The following BRINP3 variants were observed in gnomAD, a reference collection of about 807,000 sequenced individuals.
BRINP3 encodes the protein BMP/retinoic acid-inducible neural-specific protein 3.
A neutral mutation model predicts 71.0 loss-of-function variants in BRINP3; 19 were observed. The ratio of observed to expected loss-of-function variants is 0.27; its 90% CI spans 0.19 to 0.39. The LOEUF is 0.39. Ranked by LOEUF, BRINP3 falls within the 10% of genes least tolerant of loss-of-function variation. The pLI is 1.00. For missense variants in BRINP3, 959 were observed against 940.8 expected (o/e 1.02, Z -0.25); for synonymous variants, 380 against 337.7 (o/e 1.13, Z -1.37).
chr1:190,172,768 A>C (rs534775730), intron 6 of BRINP3, among the ~76,000 whole-genome samples: 86 of 152,292 alleles, frequency 5.6e-4, no homozygotes, highest in African/African-American at 2.0e-3. Context: ...ATAACTGAAC[A>C]TACGACAATC....
chr1:190,286,712 A>G (rs1663452668), intron 2 of BRINP3, among the ~76,000 whole-genome samples: 2 of 152,290 alleles, frequency 1.3e-5, no homozygotes, highest in East Asian at 3.9e-4. Context: ...TTTCAGACAC[A>G]ATAGAATCTT....
chr1:190,276,660 C>CAT (rs201235801), intron 3 of BRINP3, among the ~76,000 whole-genome samples: 23 of 150,656 alleles, frequency 1.5e-4, no homozygotes, highest in African/African-American at 2.9e-4. Flanking sequence ...CACACACACA[C>CAT]ATATATATAT....
rs371644848 is a variant in BRINP3 at position 190,240,053 on chromosome 1, A to G, written c.619-5576T>C. Among the ~76,000 whole-genome samples, 16 of 151,822 alleles carry G rather than the reference A, an allele frequency of 1.1e-4. 1 individual carries two copies. The East Asian group carries it at 2.0e-3, about 19-fold the overall frequency. ...ATTGAAGATATATAGATGATAAATT[A>G]TCTTCTATTTATTAGATAGATAATA... is the stretch of plus-strand genomic sequence containing the variant. On this transcript the variant is annotated intron_variant, in intron 4 of 7. Coordinates refer to ENST00000367462, the MANE Select transcript of BRINP3 (RefSeq NM_199051.3).
intron 2 of BRINP3, among the ~76,000 whole-genome samples, chr1:190,369,368 T>C (rs1669712066): frequency 6.6e-6 from 1 of 152,088 alleles, no homozygotes; most frequent in Non-Finnish European, 1.5e-5. Context: ...TACTTAACAT[T>C]CCAAATTTCA....
intron 6 of BRINP3, among the ~76,000 whole-genome samples, chr1:190,218,503 T>A: frequency 6.6e-6 from 1 of 152,242 alleles, no homozygotes; most frequent in East Asian, 1.9e-4. Context: ...TGTTATTATA[T>A]ATGTATATAA....
At chr1:190,109,264 A>G (rs1381560634) in intron 7 of BRINP3, among the ~76,000 whole-genome samples, 2 of 152,188 alleles carry the variant, frequency 1.3e-5, no homozygotes, top group African/African-American at 4.8e-5. Flanking sequence ...ATATATTTAC[A>G]TATGATATGT....
chr1:190,273,692 T>C (rs1421771694), intron 3 of BRINP3, among the ~76,000 whole-genome samples: 1 of 151,586 alleles, frequency 6.6e-6, no homozygotes, highest in Non-Finnish European at 1.5e-5. Flanking sequence ...TTAAATCATC[T>C]ATGTTGAGTC....
At chr1:190,172,568 A>G (rs1652114115) in intron 6 of BRINP3, among the ~76,000 whole-genome samples, 2 of 152,178 alleles carry the variant, frequency 1.3e-5, no homozygotes, top group Admixed American at 6.5e-5. Context: ...AATAATTTAC[A>G]GATAATTGGT....
intron 7 of BRINP3, among the ~76,000 whole-genome samples, chr1:190,116,819 T>G (rs573924474): frequency 2.6e-5 from 4 of 152,180 alleles, no homozygotes; most frequent in African/African-American, 9.6e-5. Context: ...TGTTCTCTTT[T>G]GCTTAATGAA....
At chr1:190,337,546 C>T (rs1280296249) in intron 2 of BRINP3, among the ~76,000 whole-genome samples, 1 of 152,004 alleles carries the variant, frequency 6.6e-6, no homozygotes, top group Non-Finnish European at 1.5e-5. Flanking sequence ...TTCTCCCGTG[C>T]TGAATGCTTC....
chr1:190,327,988 G>T (rs532020491), intron 2 of BRINP3, among the ~76,000 whole-genome samples: 1 of 152,024 alleles, frequency 6.6e-6, no homozygotes, highest in Non-Finnish European at 1.5e-5. Context: ...ATACCAAGAA[G>T]ATATCTCGAA....
intron 4 of BRINP3, among the ~76,000 whole-genome samples, chr1:190,249,865 A>C (rs1356680504): frequency 6.6e-6 from 1 of 151,908 alleles, no homozygotes; most frequent in Non-Finnish European, 1.5e-5. Context: ...AAAACCTCTA[A>C]ATTTAAAAGG....
At chr1:190,186,244 G>T (rs1456578958) in intron 6 of BRINP3, among the ~76,000 whole-genome samples, 1 of 151,808 alleles carries the variant, frequency 6.6e-6, no homozygotes, top group Non-Finnish European at 1.5e-5. Flanking sequence ...CAGACATCGT[G>T]GCAGGTGTCT....
chr1:190,149,867 T>C (rs893104762), intron 7 of BRINP3, among the ~76,000 whole-genome samples: 1 of 152,166 alleles, frequency 6.6e-6, no homozygotes, highest in Non-Finnish European at 1.5e-5. Flanking sequence ...CACAGCAAAC[T>C]GACCTTCATT....
rs142771634 is a variant in BRINP3 at position 190,468,375 on chromosome 1, A to G, written c.-51+9073T>C. On this transcript the variant is annotated intron_variant, in intron 1 of 7. Coordinates refer to ENST00000367462, the MANE Select transcript of BRINP3 (RefSeq NM_199051.3). Reference sequence around the variant, plus strand: ...ATTAACAGCTATGAATGATAGGTTTAAAAAGCCTGTCATATAATGACAAAA... The same window carrying G: ...ATTAACAGCTATGAATGATAGGTTTGAAAAGCCTGTCATATAATGACAAAA... 5.5e-3 allele frequency among the ~76,000 whole-genome samples: 837 copies of G among 151,472 alleles called. 4 individuals are homozygous for G. The highest frequency in any genetic ancestry group is 0.019 in the African/African-American group (772 of 41,518).
chr1:190,160,625 T>C (rs1296276050), intron 7 of BRINP3, 43 bp downstream of exon 7: 7 of 1,547,546 alleles, frequency 4.5e-6, no homozygotes, highest in Non-Finnish European at 4.4e-6. Context: ...ACTCACTTTT[T>C]CGGCAATAAA....
At chr1:190,314,368 C>T (rs543554441) in intron 2 of BRINP3, among the ~76,000 whole-genome samples, 199 of 152,024 alleles carry the variant, frequency 1.3e-3, no homozygotes, top group Non-Finnish European at 1.9e-3. Flanking sequence ...TCTTGGGTTA[C>T]GGGACAAAGG....
chr1:190,204,368 A>G (rs561819919), intron 6 of BRINP3, among the ~76,000 whole-genome samples: 3 of 152,082 alleles, frequency 2.0e-5, no homozygotes, highest in African/African-American at 7.2e-5. Flanking sequence ...GAAAGAAAGG[A>G]TTAATAATAA....
At chr1:190,154,052 T>C in intron 7 of BRINP3, 12 of 958,454 alleles carry the variant, frequency 1.3e-5, no homozygotes, top group Non-Finnish European at 1.5e-5. Flanking sequence ...GTTCTACAGT[T>C]CTTCACAAGT....
Sources: gnomAD v4.1 joint callset for allele counts (sites outside exome capture counted in the v4.1 genomes callset) on GRCh38, gnomAD v4.1.1 for gene constraint, MANE v1.5 for transcripts, NCBI Gene and HGNC (gene_info 2026-07-23, HGNC 2026-07-21) for gene names.